The following CPS1 variants were observed in gnomAD, a reference collection of about 807,000 sequenced individuals.
CPS1 encodes carbamoyl-phosphate synthase 1.
In CPS1, 109 loss-of-function variants were observed where a neutral mutation model predicts 174.6. The observed-to-expected ratio is 0.62, with a 90% confidence interval of 0.53 to 0.73. CPS1 has a LOEUF of 0.73. Among genes scored for constraint, CPS1 ranks in the 30% least tolerant of loss-of-function variants. The pLI is 0.00. For synonymous variants in CPS1, 637 were observed against 632.0 expected, an observed-to-expected ratio of 1.01 and a Z score of -0.12; for missense variants, 1,689 against 1,821.9, an observed-to-expected ratio of 0.93 and a Z score of 1.33.
chr2:210,598,043 T>A (rs561832987), intron 13 of CPS1, among the ~76,000 whole-genome samples: 35 of 151,994 alleles, frequency 2.3e-4, no homozygotes, highest in African/African-American at 7.9e-4. Context: ...ATTTTAAATG[T>A]ACATTCAATG....
chr2:210,504,619 AG>A lies in CPS1; in HGVS notation c.3+26856del, dbSNP rs1695230603. 2.6e-5 allele frequency among the ~76,000 whole-genome samples: 4 copies of A among 152,192 alleles called. No individual in the cohort carries two copies. The South Asian group carries it at 6.2e-4, about 24-fold the overall frequency. On this transcript the variant is annotated intron_variant, in intron 1 of 38. Transcript: ENST00000430249. Reference sequence around the variant, plus strand: ...CCTTAACTCTGTATCTAGATTCCAAAGGGTTGTGTATTGGAGTAACAAGCAA... The same window carrying A: ...CCTTAACTCTGTATCTAGATTCCAAAGGTTGTGTATTGGAGTAACAAGCAA...
rs201316107 is a variant in CPS1, at chr2:210,486,093, C to CAT, written c.3+8337_3+8338dup. On this transcript the variant is annotated intron_variant, in intron 1 of 38. Coordinates refer to the CPS1 transcript ENST00000430249. ...ATGTATATATATGTGTATATATATA[C>CAT]ATATATATATACACACACACATACA... is the stretch of plus-strand genomic sequence containing the variant. Among the ~76,000 whole-genome samples, 712 of 131,880 alleles carry CAT rather than the reference C, an allele frequency of 5.4e-3. 3 individuals are homozygous for CAT. The highest frequency in any genetic ancestry group is 8.5e-3 in the Non-Finnish European group (528 of 62,478). The allele number at this position is 131,880 out of a possible 152,430, so 86.5% of individuals were successfully genotyped here.
chr2:210,521,535 T>A (rs1695825921), intron 1 of CPS1, among the ~76,000 whole-genome samples: 1 of 151,966 alleles, frequency 6.6e-6, no homozygotes, highest in South Asian at 2.1e-4. Flanking sequence ...TTTCTTTTCA[T>A]GTTTCATTTT....
At chr2:210,596,492 G>T (rs1698486306) in intron 13 of CPS1, among the ~76,000 whole-genome samples, 2 of 151,930 alleles carry the variant, frequency 1.3e-5, no homozygotes, top group African/African-American at 4.8e-5. Flanking sequence ...TATAGTCAAA[G>T]ATTTTCACCT....
chr2:210,548,907 T>C (rs1696639523), intron 1 of CPS1, among the ~76,000 whole-genome samples: 1 of 152,040 alleles, frequency 6.6e-6, no homozygotes, highest in East Asian at 1.9e-4. Context: ...TCCAGGAGGG[T>C]GGAATGTATC....
At chr2:210,655,790 C>G (rs1293428212) in intron 29 of CPS1, among the ~76,000 whole-genome samples, 2 of 152,140 alleles carry the variant, frequency 1.3e-5, no homozygotes, top group Non-Finnish European at 2.9e-5. Flanking sequence ...ATAAGCAAAT[C>G]TCTTATGTAA....
At chr2:210,554,123 A>G (rs1385403652), upstream of CPS1, among the ~76,000 whole-genome samples, 95 of 141,212 alleles carry the variant, frequency 6.7e-4, 1 homozygote, top group African/African-American at 2.1e-3. Context: ...ATATGTATGT[A>G]TATATACATA....
chr2:210,658,452 C>T (rs1700796569), intron 30 of CPS1, 147 bp from the exon 31 acceptor site: 1 of 650,038 alleles, frequency 1.5e-6, no homozygotes, highest in Non-Finnish European at 2.8e-6. Context: ...TAATAGTGCC[C>T]TCCATTATAA....
chr2:210,618,164 A>G (rs1699375798), intron 21 of CPS1: 1 of 152,032 alleles, frequency 6.6e-6, no homozygotes, highest in South Asian at 2.1e-4. Flanking sequence ...AAAACAACAC[A>G]CTGTTACAGA....
In CPS1 at chr2:210,576,365, G is replaced by A. The variant is rs577602314; in HGVS notation, c.256G>A (p.Asp86Asn). The A allele has an allele frequency of 6.8e-6, 11 of 1,613,630 alleles. No homozygotes were observed. Among genetic ancestry groups the A allele is most frequent in the Non-Finnish European group, 9.3e-6 (11 of 1,179,670 alleles). ...GLGGYPEAIT[D>N]PAYKGQILTM... ...ACCCAGGTACCCAGAAGCTATTACT[G>A]ACCCTGCCTACAAAGGACAGATTCT... The change falls in exon 3 of 38, where the codon GAC becomes AAC. Residue 86 changes from aspartate (D) to asparagine (N), a missense_variant. Physicochemically the swap from Asp to Asn is conservative, Grantham distance 23. Transcript: ENST00000233072.
Position 210,663,199 on chromosome 2 carries a change from T to A in CPS1, c.4002+2T>A, listed in dbSNP as rs1553518395. ...TGTGAGATGGCTTCCACTGGAGAGG[T>A]AACTAGTTAATAATCCATGGAAGCT... On this transcript the variant is annotated splice_donor_variant, in intron 33 of 37. Coordinates refer to ENST00000233072, the MANE Select transcript of CPS1 (RefSeq NM_001875.5). LOFTEE classifies it high-confidence loss of function. 6.2e-7 allele frequency: 1 copy of A among 1,611,436 alleles called. No homozygotes were observed. The highest frequency in any genetic ancestry group is 1.3e-5 in the African/African-American group (1 of 74,790).
At chr2:210,484,669 C>A (rs1694668432) in intron 1 of CPS1, among the ~76,000 whole-genome samples, 1 of 152,182 alleles carries the variant, frequency 6.6e-6, no homozygotes, top group African/African-American at 2.4e-5. Context: ...GACTACCTAA[C>A]TGACTACCTG....
chr2:210,674,960 A>G lies in CPS1; in HGVS notation c.4160A>G (p.Lys1387Arg), dbSNP rs1362224631. The G allele has an allele frequency of 1.2e-6, 2 of 1,608,980 alleles. No homozygotes were observed. The highest frequency in any genetic ancestry group is 1.7e-6 in the Non-Finnish European group (2 of 1,175,470). ...GAACAATTACACAATGAAGGTTTCA[A>G]GGTATGTTCATTAGTTTTAAGTTGT... The part of the protein sequence containing the change: ...VAEQLHNEGF[K>R]LFATEATSDW... The change falls in exon 35 of 38, where the codon AAG (lysine) becomes AGG (arginine). Residue 1387 changes from lysine (K) to arginine (R), a missense_variant and splice_region_variant. Transcript: ENST00000233072.
chr2:210,525,460 C>T lies in CPS1; in HGVS notation c.4-31259C>T, dbSNP rs139726533. Among the ~76,000 whole-genome samples, 86 of 151,846 alleles carry T rather than the reference C, an allele frequency of 5.7e-4. No homozygotes were observed. In the East Asian group the frequency reaches 9.4e-3, roughly 17 times the overall value. ...AATTAATTTATTCATTCATTTAGCA[C>T]GCATTTATTAAATTTTTCATGTCTT... On this transcript the variant is annotated intron_variant, in intron 1 of 38. Transcript: ENST00000430249.
intron 30 of CPS1, among the ~76,000 whole-genome samples, chr2:210,657,120 G>A (rs1010366758): frequency 1.3e-5 from 2 of 152,138 alleles, no homozygotes; most frequent in African/African-American, 4.8e-5. Flanking sequence ...TGAAACAGGT[G>A]TGGACCAGTC....
chr2:210,675,054 A>T (rs980196435), intron 35 of CPS1, 93 bp downstream of exon 35: 1 of 999,010 alleles, frequency 1.0e-6, no homozygotes, highest in African/African-American at 1.6e-5. Flanking sequence ...ATAGCCCAAA[A>T]TATGTCCTTT....
chr2:210,547,863 A>G (rs1696604231), intron 1 of CPS1, among the ~76,000 whole-genome samples: 2 of 151,982 alleles, frequency 1.3e-5, no homozygotes. Flanking sequence ...GGGAGTGGCA[A>G]TATTTTATAA....
At chr2:210,519,580 A>G (rs75550141) in intron 1 of CPS1, 4 of 163,138 alleles carry the variant, frequency 2.5e-5, no homozygotes, top group Non-Finnish European at 3.8e-5. Context: ...TGGCCTTCAG[A>G]AATGATGGAG....
At chr2:210,513,686 G>A (rs1695594738) in intron 1 of CPS1, among the ~76,000 whole-genome samples, 1 of 151,960 alleles carries the variant, frequency 6.6e-6, no homozygotes, top group South Asian at 2.1e-4. Flanking sequence ...CAGCTCTTTA[G>A]TTTAATTAGG....
Sources: gnomAD v4.1 joint callset for allele counts (sites outside exome capture counted in the v4.1 genomes callset) on GRCh38, gnomAD v4.1.1 for gene constraint, MANE v1.5 for transcripts, NCBI Gene and HGNC (gene_info 2026-07-23, HGNC 2026-07-21) for gene names.